Variants in CFAP20DC observed in about 807,000 individuals in gnomAD.
CFAP20DC encodes the protein CFAP20 domain containing.
Under a neutral mutation model 101.7 loss-of-function variants are expected in CFAP20DC, and 84 were observed. The observed-to-expected ratio is 0.83, with a 90% CI of 0.69 to 0.99. CFAP20DC has a LOEUF of 0.99. Among genes scored for constraint, CFAP20DC ranks in the 50% least tolerant of loss-of-function variants. The pLI, the probability that CFAP20DC is intolerant of heterozygous loss-of-function variation, is 0.00. For missense variants in CFAP20DC, 1,007 were observed against 970.3 expected (o/e 1.04, Z -0.50); for synonymous variants, 359 against 351.2 (o/e 1.02, Z -0.25).
chr3:58,870,857 C>T (rs1290895699), intron 7 of CFAP20DC, among the ~76,000 whole-genome samples: 10 of 126,228 alleles, frequency 7.9e-5, no homozygotes, highest in Non-Finnish European at 1.4e-4. Flanking sequence ...CACTGCAGTC[C>T]GCAGTCCGGC....
At chr3:58,839,369 T>A (rs2108150759) in intron 13 of CFAP20DC, among the ~76,000 whole-genome samples, 1 of 152,238 alleles carries the variant, frequency 6.6e-6, no homozygotes, top group African/African-American at 2.4e-5. Context: ...CAAAGAGGAA[T>A]AATAAGGCCT....
intron 4 of CFAP20DC, among the ~76,000 whole-genome samples, chr3:58,959,564 T>C (rs531980981): frequency 6.6e-6 from 1 of 152,190 alleles, no homozygotes; most frequent in African/African-American, 2.4e-5. Flanking sequence ...CTGTCAAAAA[T>C]CAACTGGCCA....
At chr3:58,812,482 A>C (rs2074734960) in intron 14 of CFAP20DC, among the ~76,000 whole-genome samples, 1 of 150,580 alleles carries the variant, frequency 6.6e-6, no homozygotes, top group African/African-American at 2.5e-5. Flanking sequence ...GCATATTCTC[A>C]GTCATAGGTG....
At chr3:58,808,499 C>G (rs2107756700) in intron 14 of CFAP20DC, among the ~76,000 whole-genome samples, 2 of 152,288 alleles carry the variant, frequency 1.3e-5, no homozygotes, top group South Asian at 4.1e-4. Flanking sequence ...AAATCCTTTA[C>G]AGACAAGCAA....
intron 5 of CFAP20DC, among the ~76,000 whole-genome samples, chr3:58,931,495 CCT>C (rs1277905715): frequency 6.6e-6 from 1 of 151,124 alleles, no homozygotes; most frequent in African/African-American, 2.4e-5. Context: ...ACCCCTGACC[CCT>C]GAGCAGCCTA....
intron 3 of CFAP20DC, among the ~76,000 whole-genome samples, chr3:58,735,131 C>T (rs2067722010): frequency 6.6e-6 from 1 of 152,162 alleles, no homozygotes; most frequent in South Asian, 2.1e-4. Flanking sequence ...AACAGATACA[C>T]ACAGACACAC....
intron 15 of CFAP20DC, among the ~76,000 whole-genome samples, chr3:58,789,340 ATTTAATTTAGTGC>A (rs138644712): frequency 0.023 from 3,473 of 152,232 alleles, 138 homozygotes; most frequent in African/African-American, 0.08. Flanking sequence ...AGTAGGTGGG[ATTTAATTTAGTGC>A]TTTAATTTAG....
intron 13 of CFAP20DC, among the ~76,000 whole-genome samples, chr3:58,845,127 T>A (rs933985067): frequency 1.3e-5 from 2 of 149,188 alleles, no homozygotes; most frequent in African/African-American, 2.5e-5. Context: ...GCAAACACAT[T>A]CAAAAGCTAG....
chr3:58,941,327 C>CAAAAAAAAAAA lies in CFAP20DC; in HGVS notation c.279-3576_279-3566dup, dbSNP rs752324535. On this transcript the variant is annotated intron_variant, in intron 4 of 16. Coordinates refer to ENST00000482387, the MANE Select transcript of CFAP20DC (RefSeq NM_001394063.1). Reference sequence around the variant, plus strand: ...CTGGCGACAGAGCGAGACTCCGTCTCAAAAAAAAAAAAAAAAAAAAAAAAA... The same window carrying CAAAAAAAAAAA: ...CTGGCGACAGAGCGAGACTCCGTCTCAAAAAAAAAAAAAAAAAAAAAAAAAAAAAAAAAAAA... Among the ~76,000 whole-genome samples the CAAAAAAAAAAA allele has an allele frequency of 1.1e-3, 21 of 19,534 alleles. 1 individual carries two copies. The highest frequency in any genetic ancestry group is 3.7e-3 in the African/African-American group (20 of 5,460). 12.8% of individuals were successfully genotyped at this position (19,534 alleles called of 152,430 possible).
chr3:58,820,408 C>T (rs200456399), intron 14 of CFAP20DC, among the ~76,000 whole-genome samples: 9,651 of 149,876 alleles, frequency 0.064, 560 homozygotes, highest in East Asian at 0.34. Flanking sequence ...TGTCTCAGCC[C>T]AAAATCTCCT....
At chr3:58,982,290 G>A (rs2092584160) in intron 4 of CFAP20DC, among the ~76,000 whole-genome samples, 1 of 152,182 alleles carries the variant, frequency 6.6e-6, no homozygotes, top group Admixed American at 6.5e-5. Flanking sequence ...AACCATTTTG[G>A]AAGTCAGTGT....
At chr3:58,822,255 C>G (rs2075713809) in intron 14 of CFAP20DC, among the ~76,000 whole-genome samples, 1 of 149,216 alleles carries the variant, frequency 6.7e-6, no homozygotes, top group East Asian at 2.0e-4. Flanking sequence ...TGTAACTAAC[C>G]TGCACAATGT....
At chr3:58,766,524 T>G (rs2070328384) in intron 15 of CFAP20DC, among the ~76,000 whole-genome samples, 1 of 152,212 alleles carries the variant, frequency 6.6e-6, no homozygotes, top group Non-Finnish European at 1.5e-5. Context: ...TCATTTCTCC[T>G]CTGTTCTCCA....
intron 4 of CFAP20DC, among the ~76,000 whole-genome samples, chr3:58,938,360 C>T (rs1311903767): frequency 1.3e-5 from 2 of 152,126 alleles, no homozygotes; most frequent in African/African-American, 4.8e-5. Flanking sequence ...TAGATTTAGA[C>T]CACAGCCATG....
In CFAP20DC at chr3:59,007,807, G is replaced by A. The variant is rs2093473186; in HGVS notation, c.278+31750C>T. Among the ~76,000 whole-genome samples, 1 of 152,158 alleles carries A rather than the reference G, an allele frequency of 6.6e-6. No homozygotes were observed. The highest frequency in any genetic ancestry group is 2.1e-4 in the South Asian group (1 of 4,826). On this transcript the variant is annotated intron_variant, in intron 4 of 16. Transcript: ENST00000482387. The surrounding 1 kb of genome is among the most constrained non-coding windows in gnomAD (Gnocchi z 4.4). ...AGCTCTCAGGAAGCCTCATCCCTAG[G>A]GGAAGTGGGAGAGCACCCTATCAAG... is the stretch of plus-strand genomic sequence containing the variant.
chr3:58,733,349 T>G (rs1250575209), intron 3 of CFAP20DC, among the ~76,000 whole-genome samples: 1 of 149,758 alleles, frequency 6.7e-6, no homozygotes, highest in African/African-American at 2.5e-5. Flanking sequence ...AAACTTAAAG[T>G]ATAATAATAA....
chr3:58,794,601 C>T (rs2073101335), intron 15 of CFAP20DC, among the ~76,000 whole-genome samples: 1 of 152,048 alleles, frequency 6.6e-6, no homozygotes, highest in Non-Finnish European at 1.5e-5. Context: ...TAATGTTTTT[C>T]ATTAACAACA....
chr3:58,822,312 A>AAGAC (rs2075722294), intron 14 of CFAP20DC, among the ~76,000 whole-genome samples: 2 of 138,392 alleles, frequency 1.4e-5, no homozygotes, highest in African/African-American at 5.6e-5. Flanking sequence ...AAATCATGAA[A>AAGAC]AAACAAACAA....
intron 4 of CFAP20DC, among the ~76,000 whole-genome samples, chr3:58,976,640 C>T (rs1202012118): frequency 7.2e-5 from 11 of 152,156 alleles, no homozygotes. Context: ...AACATCATTC[C>T]CTCATAGTGC....
Sources: gnomAD v4.1 joint callset for allele counts (sites outside exome capture counted in the v4.1 genomes callset) on GRCh38, gnomAD v4.1.1 for gene constraint, Gnocchi (gnomAD v3.1) non-coding constraint, MANE v1.5 for transcripts, NCBI Gene and HGNC (gene_info 2026-07-23, HGNC 2026-07-21) for gene names.